The following SYNE1 variants were observed in gnomAD, a reference collection of about 807,000 sequenced individuals.
The protein encoded by SYNE1 is spectrin repeat containing nuclear envelope protein 1.
A neutral mutation model predicts 1,111.0 loss-of-function variants in SYNE1; 616 were observed. The observed-to-expected ratio is 0.55, with a 90% confidence interval of 0.52 to 0.59. The LOEUF is 0.59. Ranked by LOEUF, SYNE1 falls within the 20% of genes least tolerant of loss-of-function variation. SYNE1 has a pLI of 0.00. For missense variants in SYNE1, 10,006 were observed against 10,417.0 expected, an observed-to-expected ratio of 0.96 and a Z score of 1.72; for synonymous variants, 3,855 against 3,825.8, an observed-to-expected ratio of 1.01 and a Z score of -0.28.
intron 129 of SYNE1, among the ~76,000 whole-genome samples, chr6:152,177,583 T>C (rs968641835): frequency 6.6e-6 from 1 of 152,176 alleles, no homozygotes; most frequent in Non-Finnish European, 1.5e-5. Context: ...AGGGGAATGG[T>C]AGGGACCAAC....
intron 24 of SYNE1, among the ~76,000 whole-genome samples, chr6:152,454,716 A>G (rs933403880): frequency 6.6e-6 from 1 of 152,234 alleles, no homozygotes; most frequent in Non-Finnish European, 1.5e-5. Flanking sequence ...GTAGAGGTGA[A>G]TAAACTGAAT....
At chr6:152,396,644 A>C in intron 50 of SYNE1, 131 bp downstream of exon 50, 2 of 929,134 alleles carry the variant, frequency 2.2e-6, no homozygotes, top group Non-Finnish European at 3.4e-6. Flanking sequence ...ACCTGTATTT[A>C]TGATCAAAGC....
chr6:152,581,078 T>A (rs975217138), intron 3 of SYNE1, among the ~76,000 whole-genome samples: 1 of 152,226 alleles, frequency 6.6e-6, no homozygotes, highest in African/African-American at 2.4e-5. Flanking sequence ...CTAGTTAAAA[T>A]GAACAATACA....
intron 28 of SYNE1, among the ~76,000 whole-genome samples, chr6:152,447,925 C>T (rs779870964): frequency 6.6e-5 from 10 of 152,126 alleles, no homozygotes; most frequent in South Asian, 2.1e-4. Context: ...AAATATGAGA[C>T]GCCACAATTG....
intron 23 of SYNE1, 118 bp downstream of exon 23, chr6:152,455,768 G>T: frequency 6.9e-7 from 1 of 1,441,402 alleles, no homozygotes; most frequent in Non-Finnish European, 9.7e-7. Context: ...ACAATGATTG[G>T]CTTCCAAACA....
chr6:152,339,324 G>T lies in SYNE1; in HGVS notation c.12268C>A (p.Leu4090Ile). ...TCACACATGGAGCAAAGGAGATCTA[G>T]GTAGGTCCTTGCCTGCTCTTGCAAA... ...RALQEQARTY[L>I]DLLCSMCDLS... Residue 4090 changes from leucine to isoleucine, a missense_variant, in exon 75 of 146, where the codon CTA becomes ATA. Transcript: ENST00000367255. The T allele has an allele frequency of 3.7e-6, 6 of 1,614,050 alleles. No homozygotes were observed. Among genetic ancestry groups the T allele is most frequent in the Non-Finnish European group, 5.1e-6 (6 of 1,179,926 alleles).
intron 3 of SYNE1, among the ~76,000 whole-genome samples, chr6:152,569,813 C>T (rs900427703): frequency 3.3e-5 from 5 of 152,170 alleles, no homozygotes; most frequent in African/African-American, 9.7e-5. Flanking sequence ...ATATAAACCA[C>T]CTCTCTTTGA....
intron 101 of SYNE1, among the ~76,000 whole-genome samples, chr6:152,257,627 T>C (rs1275377954): frequency 6.6e-6 from 1 of 151,992 alleles, no homozygotes; most frequent in Non-Finnish European, 1.5e-5. Flanking sequence ...ATAAATAAAT[T>C]AGAAACAGAA....
chr6:152,158,052 T>C (rs1285161564), intron 131 of SYNE1, among the ~76,000 whole-genome samples: 1 of 152,178 alleles, frequency 6.6e-6, no homozygotes, highest in African/African-American at 2.4e-5. Context: ...CCACTGCGCC[T>C]GGCATAGAGC....
At chr6:152,201,146 T>A (rs750241387) in intron 127 of SYNE1, among the ~76,000 whole-genome samples, 1 of 152,190 alleles carries the variant, frequency 6.6e-6, no homozygotes, top group African/African-American at 2.4e-5. Flanking sequence ...GATCAGCCTA[T>A]TGCTCAGCAA....
At chr6:152,536,926 T>G (rs971770767) in intron 4 of SYNE1, among the ~76,000 whole-genome samples, 5 of 152,158 alleles carry the variant, frequency 3.3e-5, no homozygotes, top group African/African-American at 1.2e-4. Flanking sequence ...ATAAAGTTGC[T>G]AAGGCACTGT....
At chr6:152,161,531 CCT>C (rs1352842018) in intron 131 of SYNE1, among the ~76,000 whole-genome samples, 1 of 151,848 alleles carries the variant, frequency 6.6e-6, no homozygotes, top group African/African-American at 2.4e-5. Context: ...GAATGCAAAA[CCT>C]CTCATTTCTG....
chr6:152,364,454 T>C (rs1185004704), intron 63 of SYNE1, among the ~76,000 whole-genome samples: 2 of 14,128 alleles, frequency 1.4e-4, no homozygotes, highest in African/African-American at 8.7e-4. Flanking sequence ...ATTATGAATC[T>C]TTTTTTTTTT....
chr6:152,171,849 C>T (rs185248727), intron 130 of SYNE1, among the ~76,000 whole-genome samples: 14 of 152,256 alleles, frequency 9.2e-5, no homozygotes, highest in Admixed American at 7.2e-4. Flanking sequence ...TATAATAACA[C>T]GCTAATAGCA....
intron 127 of SYNE1, among the ~76,000 whole-genome samples, chr6:152,201,126 C>T (rs1441471191): frequency 1.3e-5 from 2 of 152,108 alleles, no homozygotes; most frequent in African/African-American, 2.4e-5. Flanking sequence ...TTTAAAGGTA[C>T]GTTTGATATG....
rs564038060 is a variant in SYNE1, at chr6:152,184,450, A to G, written c.23302-4156T>C. On this transcript the variant is annotated intron_variant, in intron 128 of 145. Transcript: ENST00000367255. ...GAAACTCTGTTTCAAAAAAAAAAAA[A>G]AAAAAAGAAAGAAATTGACTGATAT... Among the ~76,000 whole-genome samples the G allele has an allele frequency of 6.2e-3, 917 of 148,468 alleles. 12 individuals are homozygous for G. The highest frequency in any genetic ancestry group is 0.023 in the African/African-American group (862 of 38,176).
chr6:152,496,086 T>C (rs924132862), intron 11 of SYNE1, among the ~76,000 whole-genome samples: 2 of 152,200 alleles, frequency 1.3e-5, no homozygotes, highest in Admixed American at 6.5e-5. Context: ...TGTGTCTACC[T>C]GCTAATAGGA....
chr6:152,325,685 A>C (rs1241267527), intron 80 of SYNE1, among the ~76,000 whole-genome samples: 1 of 152,188 alleles, frequency 6.6e-6, no homozygotes, highest in Admixed American at 6.5e-5. Context: ...GTTTTATTTA[A>C]TCTGTTATCA....
Position 152,354,869 on chromosome 6 carries a change from T to G in SYNE1, c.10716A>C (p.Leu3572Phe), listed in dbSNP as rs1206207003. The G allele has an allele frequency of 1.2e-6, 2 of 1,614,070 alleles. No individual in the cohort carries two copies. Among genetic ancestry groups the G allele is most frequent in the African/African-American group, 2.7e-5 (2 of 74,926 alleles). The change falls in exon 67 of 146, where the codon TTA (leucine) becomes TTC (phenylalanine). Residue 3572 changes from leucine (L) to phenylalanine (F), a missense_variant. Physicochemically the swap from Leu to Phe is conservative, Grantham distance 22 (BLOSUM62 0). Coordinates refer to ENST00000367255, the MANE Select transcript of SYNE1 (RefSeq NM_182961.4). Reference sequence around the variant, plus strand: ...CCTGCCAGTCTTGCCGGAGAGACTCTAAAGCCCGGTCCTCTGCCTGTGGGA... The same window carrying G: ...CCTGCCAGTCTTGCCGGAGAGACTCGAAAGCCCGGTCCTCTGCCTGTGGGA... ...SGIPQAEDRA[L>F]ESLRQDWQAY...
Sources: allele counts gnomAD v4.1 joint callset (sites outside exome capture counted in the v4.1 genomes callset), GRCh38; gene constraint gnomAD v4.1.1; transcripts MANE v1.5; gene names NCBI Gene and HGNC (gene_info 2026-07-23, HGNC 2026-07-21).